EPHA5: variants seen among roughly 807,000 people sequenced by gnomAD.
EPHA5 encodes the protein EPH receptor A5, also known as ephrin type-A receptor 5.
EPHA5 carries 60 observed loss-of-function variants against 105.0 expected under a neutral mutation model. That is an observed-to-expected ratio of 0.57 (90% confidence interval 0.46 to 0.71). The LOEUF (loss-of-function observed/expected upper bound fraction) is 0.71. EPHA5 is among the 30% of genes least tolerant of loss of function. EPHA5 has a pLI of 0.00. For missense variants in EPHA5, 1,218 were observed against 1,274.7 expected, an observed-to-expected ratio of 0.96 and a Z score of 0.68; for synonymous variants, 513 against 449.1, an observed-to-expected ratio of 1.14 and a Z score of -1.80.
At chr4:65,387,728 G>C (rs926219128) in intron 8 of EPHA5, among the ~76,000 whole-genome samples, 1 of 151,916 alleles carries the variant, frequency 6.6e-6, no homozygotes, top group Non-Finnish European at 1.5e-5. Flanking sequence ...AGGTTCCCAT[G>C]TATTACAAAA....
At chr4:65,463,601 G>A (rs147697091) in intron 5 of EPHA5, among the ~76,000 whole-genome samples, 68 of 152,052 alleles carry the variant, frequency 4.5e-4, no homozygotes, top group African/African-American at 1.5e-3. Context: ...TTACAGTATC[G>A]CACCTTGCAG....
At chr4:65,616,907 G>T (rs1040093702) in intron 2 of EPHA5, among the ~76,000 whole-genome samples, 1 of 151,998 alleles carries the variant, frequency 6.6e-6, no homozygotes, top group South Asian at 2.1e-4. Context: ...TTATCTATTT[G>T]CAAGATATTA....
rs1385284578 is a variant in EPHA5, at chr4:65,490,494, C to T, written c.1285G>A (p.Val429Met). 6.2e-7 allele frequency: 1 copy of T among 1,614,168 alleles called. No homozygotes were observed. Among genetic ancestry groups the T allele is most frequent in the South Asian group, 1.1e-5 (1 of 91,086 alleles). ...TAGTTTGTGTGAGCGAGTAGATCCA[C>T]CATCATGACAGAGGTGTTTTTCAGG... ...SGLKNTSVMM[V>M]DLLAHTNYTF... Residue 429 changes from valine to methionine, a missense_variant, in exon 5 of 17, where the codon GTG becomes ATG. This residue lies in a region of EPHA5 where 971 missense variants were observed against 1,013.5 expected (regional missense o/e 0.96). Coordinates refer to ENST00000613740, the MANE Select transcript of EPHA5 (RefSeq NM_001281766.3).
intron 11 of EPHA5, among the ~76,000 whole-genome samples, chr4:65,361,242 A>G (rs1717281921): frequency 6.6e-6 from 1 of 151,662 alleles, no homozygotes; most frequent in South Asian, 2.1e-4. Context: ...ATGAAGATAA[A>G]TGACACTGAT....
At chr4:65,464,079 T>A (rs189570907) in intron 5 of EPHA5, among the ~76,000 whole-genome samples, 17 of 151,762 alleles carry the variant, frequency 1.1e-4, no homozygotes, top group African/African-American at 4.1e-4. Context: ...TTGTCTTTCA[T>A]CCATTCAAAG....
chr4:65,388,643 T>C (rs901986122), intron 8 of EPHA5, among the ~76,000 whole-genome samples: 5 of 136,326 alleles, frequency 3.7e-5, no homozygotes, highest in Admixed American at 1.6e-4. Flanking sequence ...TTCATATCCT[T>C]TGCCCACTTT....
chr4:65,521,222 G>C (rs981693737), intron 3 of EPHA5, among the ~76,000 whole-genome samples: 1 of 152,094 alleles, frequency 6.6e-6, no homozygotes, highest in East Asian at 1.9e-4. Flanking sequence ...CATGTCCTTT[G>C]TAGGGAATAG....
chr4:65,436,280 C>T (rs1202993973), intron 5 of EPHA5, among the ~76,000 whole-genome samples: 2 of 151,886 alleles, frequency 1.3e-5, no homozygotes. Context: ...CAGTATTTAA[C>T]ACTTTGGAGA....
intron 3 of EPHA5, among the ~76,000 whole-genome samples, chr4:65,505,656 G>T (rs901930938): frequency 3.9e-5 from 6 of 151,970 alleles, no homozygotes; most frequent in Middle Eastern, 3.2e-3. Flanking sequence ...CCTAAATTTA[G>T]CTCCGTGCCT....
At chr4:65,378,797 AT>A (rs915057953) in intron 8 of EPHA5, among the ~76,000 whole-genome samples, 4 of 151,030 alleles carry the variant, frequency 2.6e-5, no homozygotes, top group East Asian at 2.0e-4. Context: ...TTTCTTTTTT[AT>A]TTTTTTGCAT....
At chr4:65,433,452 A>G (rs1725179011) in intron 5 of EPHA5, among the ~76,000 whole-genome samples, 1 of 152,220 alleles carries the variant, frequency 6.6e-6, no homozygotes, top group Non-Finnish European at 1.5e-5. Flanking sequence ...TGCATAGTTA[A>G]AATGTTATGT....
At chr4:65,653,591 T>C (rs544819683) in intron 1 of EPHA5, among the ~76,000 whole-genome samples, 3 of 152,184 alleles carry the variant, frequency 2.0e-5, no homozygotes, top group African/African-American at 7.2e-5. Context: ...TACAATGGTT[T>C]ATATATCTTA....
chr4:65,630,056 C>T (rs1034667129), intron 2 of EPHA5, among the ~76,000 whole-genome samples: 11 of 96,374 alleles, frequency 1.1e-4, no homozygotes, highest in Non-Finnish European at 2.4e-4. Flanking sequence ...CCTCCCTCTA[C>T]ACACACACAC....
intron 3 of EPHA5, among the ~76,000 whole-genome samples, chr4:65,570,997 C>T (rs892001428): frequency 6.6e-6 from 1 of 152,024 alleles, no homozygotes. Context: ...TCATTGATTT[C>T]ATTCTCTCCC....
In EPHA5 at chr4:65,330,889, G is replaced by T. The variant is rs1165670682; in HGVS notation, c.2945+1084C>A. ...AAAGCAAGCTGAGTGGTTGGTTTCA[G>T]GTCCTTTTAGTTATCGGTATGAAGG... On this transcript the variant is annotated intron_variant, in intron 16 of 16. Transcript: ENST00000613740. 3.2e-5 allele frequency: 33 copies of T among 1,036,744 alleles called. No homozygotes were observed. In the African/African-American group the frequency reaches 5.4e-4, roughly 17 times the overall value. The allele number at this position is 1,036,744 out of a possible 1,614,324, so 64.2% of individuals were successfully genotyped here.
intron 8 of EPHA5, among the ~76,000 whole-genome samples, chr4:65,383,863 A>T (rs556045020): frequency 1.3e-5 from 2 of 151,942 alleles, no homozygotes; most frequent in African/African-American, 4.8e-5. Context: ...CATAAAAAAT[A>T]TATATGATAT....
At chr4:65,638,036 C>A (rs1384703166) in intron 2 of EPHA5, among the ~76,000 whole-genome samples, 1 of 152,130 alleles carries the variant, frequency 6.6e-6, no homozygotes, top group East Asian at 1.9e-4. Context: ...TTGCCAAATT[C>A]TTAAGCCCAG....
At chr4:65,659,382 C>T (rs1425532534) in intron 1 of EPHA5, among the ~76,000 whole-genome samples, 2 of 140,316 alleles carry the variant, frequency 1.4e-5, no homozygotes, top group Non-Finnish European at 3.0e-5. Context: ...GCATAGATGC[C>T]GTGAATTGGA....
intron 5 of EPHA5, among the ~76,000 whole-genome samples, chr4:65,422,297 A>G (rs1031505150): frequency 2.2e-4 from 33 of 152,062 alleles, no homozygotes; most frequent in African/African-American, 8.0e-4. Context: ...CTGGGGACAT[A>G]ATGATGATGC....
Sources: allele counts gnomAD v4.1 joint callset (sites outside exome capture counted in the v4.1 genomes callset), GRCh38; gene constraint gnomAD v4.1.1; regional missense constraint gnomAD v4.1.1; transcripts MANE v1.5; gene names NCBI Gene and HGNC (gene_info 2026-07-23, HGNC 2026-07-21).